The following ROBO2 variants were observed in gnomAD, a reference collection of about 807,000 sequenced individuals.
ROBO2 encodes roundabout guidance receptor 2.
Under a neutral mutation model 160.8 loss-of-function variants are expected in ROBO2, and 53 were observed. The ratio of observed to expected loss-of-function variants is 0.33; its 90% confidence interval spans 0.26 to 0.41. ROBO2 has a LOEUF of 0.41. Ranked by LOEUF, ROBO2 falls within the 10% of genes least tolerant of loss-of-function variation. The pLI, the probability that ROBO2 is intolerant of heterozygous loss-of-function variation, is 1.00. For missense variants in ROBO2, 1,577 were observed against 1,722.4 expected (o/e 0.92, Z 1.49); for synonymous variants, 664 against 611.7 (o/e 1.09, Z -1.26).
At chr3:76,680,980 T>C (rs560672008) in intron 2 of ROBO2, among the ~76,000 whole-genome samples, 1 of 152,160 alleles carries the variant, frequency 6.6e-6, no homozygotes, top group Non-Finnish European at 1.5e-5. Flanking sequence ...TTTCAGTATG[T>C]TGCCCAGGCT....
At chr3:77,316,925 T>A in intron 2 of ROBO2, 1 of 1,231,156 alleles carries the variant, frequency 8.1e-7, no homozygotes, top group Non-Finnish European at 1.2e-6. Flanking sequence ...TGAGGGTCAG[T>A]CTGATACTTG....
chr3:77,314,988 G>A (rs1405953947), intron 2 of ROBO2, among the ~76,000 whole-genome samples: 1 of 152,088 alleles, frequency 6.6e-6, no homozygotes, highest in Non-Finnish European at 1.5e-5. Flanking sequence ...AGCAAAATTA[G>A]TATTGTGTAA....
chr3:77,607,407 G>T (rs1019210290), intron 20 of ROBO2, among the ~76,000 whole-genome samples: 2 of 152,058 alleles, frequency 1.3e-5, no homozygotes, highest in Non-Finnish European at 2.9e-5. Flanking sequence ...CTTAGACCTT[G>T]CATTTTCCAC....
intron 2 of ROBO2, among the ~76,000 whole-genome samples, chr3:77,286,314 T>C (rs2060594241): frequency 1.3e-5 from 2 of 150,076 alleles, no homozygotes; most frequent in Non-Finnish European, 3.0e-5. Context: ...TGGAGTATAT[T>C]GGCGTGATCT....
At chr3:76,856,719 A>G (rs759349800) in intron 2 of ROBO2, among the ~76,000 whole-genome samples, 2 of 152,128 alleles carry the variant, frequency 1.3e-5, no homozygotes, top group Non-Finnish European at 2.9e-5. Context: ...TTACCACACT[A>G]TATTTAAGTA....
intron 2 of ROBO2, among the ~76,000 whole-genome samples, chr3:76,282,481 C>T (rs1708281997): frequency 6.6e-6 from 1 of 151,680 alleles, no homozygotes; most frequent in South Asian, 2.1e-4. Context: ...TTATTTTTTT[C>T]TAAAAAATAG....
chr3:77,150,393 A>G (rs1213330845), intron 2 of ROBO2, among the ~76,000 whole-genome samples: 2 of 152,224 alleles, frequency 1.3e-5, no homozygotes, highest in Non-Finnish European at 2.9e-5. Context: ...AGCAAAACGT[A>G]AAGAAAGACA....
intron 2 of ROBO2, among the ~76,000 whole-genome samples, chr3:76,951,753 A>G (rs1035105716): frequency 1.3e-5 from 2 of 152,162 alleles, no homozygotes; most frequent in Admixed American, 1.3e-4. Flanking sequence ...CTACCCCGCC[A>G]TGAGATTTGA....
chr3:76,308,083 A>G (rs1213467217), intron 2 of ROBO2, among the ~76,000 whole-genome samples: 1 of 152,144 alleles, frequency 6.6e-6, no homozygotes, highest in Non-Finnish European at 1.5e-5. Context: ...GCAGGAAAGA[A>G]TTATCCCTAC....
intron 2 of ROBO2, among the ~76,000 whole-genome samples, chr3:76,992,166 A>C (rs1158049916): frequency 1.3e-5 from 2 of 151,898 alleles, no homozygotes; most frequent in East Asian, 3.9e-4. Flanking sequence ...CCAAAGAACT[A>C]TTTATTGTAC....
chr3:75,952,705 A>G (rs1277794635), intron 2 of ROBO2, among the ~76,000 whole-genome samples: 1 of 151,968 alleles, frequency 6.6e-6, no homozygotes, highest in African/African-American at 2.4e-5. Context: ...GGTTTTGTCA[A>G]ATGTGTAATG....
intron 2 of ROBO2, among the ~76,000 whole-genome samples, chr3:76,870,587 G>C (rs1014275669): frequency 6.6e-6 from 1 of 152,150 alleles, no homozygotes; most frequent in Non-Finnish European, 1.5e-5. Flanking sequence ...TGAACACCTA[G>C]AGATTATGTT....
At chr3:76,866,744 A>G (rs752282793) in intron 2 of ROBO2, among the ~76,000 whole-genome samples, 1 of 152,138 alleles carries the variant, frequency 6.6e-6, no homozygotes, top group Non-Finnish European at 1.5e-5. Flanking sequence ...TTTTCTTTTT[A>G]GCAAACAAGA....
At chr3:76,686,590 A>G (rs2107095637) in intron 2 of ROBO2, among the ~76,000 whole-genome samples, 1 of 152,178 alleles carries the variant, frequency 6.6e-6, no homozygotes, top group East Asian at 1.9e-4. Flanking sequence ...GACTTGCAAT[A>G]CCCCATTTGT....
At chr3:76,637,303 C>T (rs2090395494) in intron 2 of ROBO2, among the ~76,000 whole-genome samples, 1 of 152,026 alleles carries the variant, frequency 6.6e-6, no homozygotes, top group Non-Finnish European at 1.5e-5. Context: ...TTGAGCTGAC[C>T]TGGACTTAGG....
intron 2 of ROBO2, among the ~76,000 whole-genome samples, chr3:76,478,930 T>C (rs2079074224): frequency 1.3e-5 from 2 of 152,068 alleles, no homozygotes. Flanking sequence ...CCCAAAATCC[T>C]GGGTTTACAG....
intron 2 of ROBO2, among the ~76,000 whole-genome samples, chr3:77,270,082 T>A (rs1052166735): frequency 6.6e-6 from 1 of 152,210 alleles, no homozygotes; most frequent in Non-Finnish European, 1.5e-5. Context: ...ATGTTTCATA[T>A]TATGCCTTAT....
At chr3:76,950,419 T>G (rs972196210) in intron 2 of ROBO2, among the ~76,000 whole-genome samples, 2 of 152,210 alleles carry the variant, frequency 1.3e-5, no homozygotes. Context: ...CATCAAACTC[T>G]CATTTTCTAG....
chr3:76,414,267 T>C lies in ROBO2; in HGVS notation c.109+476665T>C, dbSNP rs566339676. 2.6e-5 allele frequency among the ~76,000 whole-genome samples: 4 copies of C among 152,282 alleles called. No homozygotes were observed. In the South Asian group the frequency reaches 8.3e-4, roughly 32 times the overall value. ...TTTTGGTGCTTTTTGTCTGTATGCT[T>C]ATAAATAGATATTTTATTCCTAGCT... is the stretch of plus-strand genomic sequence containing the variant. On this transcript the variant is annotated intron_variant, in intron 2 of 26. Coordinates refer to the ROBO2 transcript ENST00000487694.
Sources: gnomAD v4.1 joint callset for allele counts (sites outside exome capture counted in the v4.1 genomes callset) on GRCh38, gnomAD v4.1.1 for gene constraint, MANE v1.5 for transcripts, NCBI Gene and HGNC (gene_info 2026-07-23, HGNC 2026-07-21) for gene names.